FBXL7: variants seen among roughly 807,000 people sequenced by gnomAD.
FBXL7 encodes F-box/LRR-repeat protein 7.
Under a neutral mutation model 38.3 loss-of-function variants are expected in FBXL7, and 12 were observed. The ratio of observed to expected loss-of-function variants is 0.31; its 90% CI spans 0.20 to 0.51. The LOEUF is 0.51. Among genes scored for constraint, FBXL7 ranks in the 20% least tolerant of loss-of-function variants. The pLI is 0.98. For synonymous variants in FBXL7, 297 were observed against 300.9 expected (o/e 0.99, Z 0.13); for missense variants, 567 against 676.4 (o/e 0.84, Z 1.79).
intron 1 of FBXL7, among the ~76,000 whole-genome samples, chr5:15,592,351 A>G (rs1739504463): frequency 6.6e-6 from 1 of 152,180 alleles, no homozygotes; most frequent in African/African-American, 2.4e-5. Flanking sequence ...GCTCTGGGAT[A>G]CAGTTGCCCA....
chr5:15,567,142 T>TTTTTTTCCTAAAAACCAAAAG (rs1738602911), intron 1 of FBXL7, among the ~76,000 whole-genome samples: 1 of 152,060 alleles, frequency 6.6e-6, no homozygotes, highest in South Asian at 2.1e-4. Context: ...TTTGCTGGAG[T>TTTTTTTCCTAAAAACCAAAAG]TTTTTTCCTA....
At chr5:15,599,604 C>G (rs10073096) in intron 1 of FBXL7, among the ~76,000 whole-genome samples, 86,177 of 151,930 alleles carry the variant, frequency 0.57, 25,131 homozygotes, top group South Asian at 0.67. Flanking sequence ...TGAAATGGGT[C>G]TTGAAGATGA....
intron 2 of FBXL7, among the ~76,000 whole-genome samples, chr5:15,720,542 C>T (rs1286094719): frequency 2.0e-5 from 3 of 148,574 alleles, no homozygotes; most frequent in African/African-American, 7.4e-5. Context: ...CTTACTAAAA[C>T]TTTATGTGTT....
intron 2 of FBXL7, among the ~76,000 whole-genome samples, chr5:15,896,769 A>G (rs1579583878): frequency 1.3e-5 from 2 of 152,170 alleles, no homozygotes; most frequent in African/African-American, 4.8e-5. Context: ...AAGAAAAAAA[A>G]AAAACCCAGA....
intron 2 of FBXL7, among the ~76,000 whole-genome samples, chr5:15,752,221 G>A (rs184081488): frequency 2.8e-4 from 43 of 152,234 alleles, no homozygotes; most frequent in Admixed American, 1.1e-3. Flanking sequence ...ATATACCTAC[G>A]TAACAAAACT....
At chr5:15,736,377 A>G (rs72732048) in intron 2 of FBXL7, among the ~76,000 whole-genome samples, 11 of 152,120 alleles carry the variant, frequency 7.2e-5, no homozygotes, top group Admixed American at 2.0e-4. Context: ...AGTTCTAGAG[A>G]AATCTACATA....
intron 2 of FBXL7, among the ~76,000 whole-genome samples, chr5:15,784,572 G>A (rs1011349395): frequency 3.9e-5 from 6 of 152,080 alleles, no homozygotes. Flanking sequence ...GTGGGTCGGG[G>A]GGCGGGGATC....
chr5:15,552,298 C>T (rs1332617824), intron 1 of FBXL7, among the ~76,000 whole-genome samples: 1 of 152,268 alleles, frequency 6.6e-6, no homozygotes, highest in Non-Finnish European at 1.5e-5. Flanking sequence ...CTGGTCTTGC[C>T]TCTGCCTGTC....
intron 1 of FBXL7, among the ~76,000 whole-genome samples, chr5:15,512,903 G>A (rs1561010802): frequency 6.6e-6 from 1 of 152,096 alleles, no homozygotes; most frequent in Non-Finnish European, 1.5e-5. Context: ...GAAAACATTT[G>A]TTCTTTAAAT....
intron 1 of FBXL7, among the ~76,000 whole-genome samples, chr5:15,524,782 C>T (rs1362617660): frequency 6.6e-6 from 1 of 152,162 alleles, no homozygotes; most frequent in Non-Finnish European, 1.5e-5. Context: ...ATGTGAGTAA[C>T]CCACAACTTG....
At chr5:15,884,416 G>T (rs980749396) in intron 2 of FBXL7, among the ~76,000 whole-genome samples, 2 of 151,952 alleles carry the variant, frequency 1.3e-5, no homozygotes, top group Non-Finnish European at 2.9e-5. Flanking sequence ...ACAGGTACCT[G>T]CTACCACGCC....
At chr5:15,784,799 A>G (rs1737090239) in intron 2 of FBXL7, among the ~76,000 whole-genome samples, 1 of 152,182 alleles carries the variant, frequency 6.6e-6, no homozygotes, top group South Asian at 2.1e-4. Context: ...CTGCAGAACC[A>G]TGAGCCAATT....
chr5:15,921,676 G>A (rs1424743651), intron 2 of FBXL7, among the ~76,000 whole-genome samples: 3 of 152,138 alleles, frequency 2.0e-5, no homozygotes, highest in African/African-American at 7.2e-5. Context: ...TTTTAAAAAT[G>A]AGCAAAAGAC....
At chr5:15,892,794 A>C (rs1364585438) in intron 2 of FBXL7, among the ~76,000 whole-genome samples, 1 of 152,142 alleles carries the variant, frequency 6.6e-6, no homozygotes, top group Non-Finnish European at 1.5e-5. Context: ...TGTGAGGTGG[A>C]AACTATTTTC....
At chr5:15,643,635 G>A (rs1741437851) in intron 2 of FBXL7, among the ~76,000 whole-genome samples, 1 of 152,188 alleles carries the variant, frequency 6.6e-6, no homozygotes, top group Non-Finnish European at 1.5e-5. Flanking sequence ...CCTGGATTTA[G>A]CAAGAATTGA....
intron 2 of FBXL7, among the ~76,000 whole-genome samples, chr5:15,755,993 G>C (rs1427535722): frequency 6.6e-6 from 1 of 152,174 alleles, no homozygotes; most frequent in African/African-American, 2.4e-5. Flanking sequence ...CTGGCTGGTT[G>C]CATTAAAAGC....
At chr5:15,803,874 AACCACC>A (rs1737636332) in intron 2 of FBXL7, among the ~76,000 whole-genome samples, 2 of 152,132 alleles carry the variant, frequency 1.3e-5, no homozygotes, top group African/African-American at 4.8e-5. Context: ...CATACCTGAG[AACCACC>A]ATGTTTGAGG....
chr5:15,891,300 G>T (rs1236239356), intron 2 of FBXL7, among the ~76,000 whole-genome samples: 1 of 152,132 alleles, frequency 6.6e-6, no homozygotes, highest in Non-Finnish European at 1.5e-5. Context: ...GGTTTTCAAT[G>T]ATTTTATATC....
intron 2 of FBXL7, among the ~76,000 whole-genome samples, chr5:15,803,818 G>A (rs913258752): frequency 4.6e-5 from 7 of 152,286 alleles, no homozygotes; most frequent in African/African-American, 1.4e-4. Context: ...CAAGGACTCT[G>A]TGCAAGTGAG....
Sources: gnomAD v4.1 joint callset for allele counts (sites outside exome capture counted in the v4.1 genomes callset) on GRCh38, gnomAD v4.1.1 for gene constraint, MANE v1.5 for transcripts, NCBI Gene and HGNC (gene_info 2026-07-23, HGNC 2026-07-21) for gene names.